Variants in CWC27 observed in about 807,000 individuals in gnomAD.
CWC27 encodes the protein spliceosome-associated protein CWC27 homolog.
CWC27 carries 47 observed loss-of-function variants against 63.6 expected under a neutral mutation model. The observed-to-expected ratio is 0.74, with a 90% confidence interval of 0.58 to 0.94. The LOEUF is 0.94. Among genes scored for constraint, CWC27 ranks in the 40% least tolerant of loss-of-function variants. The pLI is 0.00. For missense variants in CWC27, 495 were observed against 554.3 expected (o/e 0.89, Z 1.07); for synonymous variants, 175 against 179.8 (o/e 0.97, Z 0.22).
At position 64,984,289 on chromosome 5, in the gene CWC27, A is replaced by C. The variant is rs1360026136; in HGVS notation, c.1256+7051A>C. ...GAAAGAACTGAGGCACAGTGAAGTT[A>C]AATAATTTATCTGCTTTTTGGTCCT... is the stretch of plus-strand genomic sequence containing the variant. On this transcript the variant is annotated intron_variant, in intron 13 of 13. Coordinates refer to ENST00000381070, the MANE Select transcript of CWC27 (RefSeq NM_005869.4). 5.3e-5 allele frequency among the ~76,000 whole-genome samples: 8 copies of C among 152,290 alleles called. No homozygotes were observed. In the East Asian group the frequency reaches 1.5e-3, roughly 29 times the overall value.
At chr5:64,897,864 A>G (rs1747416701) in intron 11 of CWC27, among the ~76,000 whole-genome samples, 1 of 152,240 alleles carries the variant, frequency 6.6e-6, no homozygotes, top group African/African-American at 2.4e-5. Flanking sequence ...CCTAACTTGC[A>G]TAGACCTAAT....
intron 7 of CWC27, among the ~76,000 whole-genome samples, chr5:64,795,795 A>G (rs530062650): frequency 1.6e-3 from 239 of 152,194 alleles, no homozygotes; most frequent in African/African-American, 5.4e-3. Flanking sequence ...GTTCTGAGGG[A>G]TTAGGACATG....
chr5:64,960,804 T>A (rs1478757016), intron 11 of CWC27, among the ~76,000 whole-genome samples: 1 of 152,072 alleles, frequency 6.6e-6, no homozygotes, highest in Admixed American at 6.6e-5. Context: ...TTTAAGAGAT[T>A]GTCTCGCTAT....
At chr5:64,805,469 A>G (rs1744637097) in intron 10 of CWC27, among the ~76,000 whole-genome samples, 1 of 151,888 alleles carries the variant, frequency 6.6e-6, no homozygotes, top group African/African-American at 2.4e-5. Context: ...TTCACACTGT[A>G]ACTTTTAGTT....
intron 13 of CWC27, among the ~76,000 whole-genome samples, chr5:64,987,329 G>A (rs1221742052): frequency 2.6e-5 from 4 of 152,008 alleles, no homozygotes; most frequent in South Asian, 2.1e-4. Flanking sequence ...ATTTCAAGAC[G>A]AATATAGAAT....
At chr5:64,798,344 A>G (rs994839278) in intron 7 of CWC27, among the ~76,000 whole-genome samples, 2 of 152,166 alleles carry the variant, frequency 1.3e-5, no homozygotes, top group African/African-American at 4.8e-5. Flanking sequence ...TTTGAAACTC[A>G]TTTGGTCCAA....
chr5:64,870,193 C>T (rs529477288), intron 10 of CWC27, among the ~76,000 whole-genome samples: 150 of 152,048 alleles, frequency 9.9e-4, no homozygotes, highest in Non-Finnish European at 2.0e-3. Context: ...ATTCATACAG[C>T]CAGTTTATTC....
chr5:64,995,578 T>C (rs1386284876), intron 13 of CWC27, among the ~76,000 whole-genome samples: 3 of 152,202 alleles, frequency 2.0e-5, no homozygotes, highest in Non-Finnish European at 4.4e-5. Flanking sequence ...TGTTTTTTTT[T>C]CTAAATTGTT....
At chr5:64,971,235 CAT>C (rs746257038) in intron 11 of CWC27, among the ~76,000 whole-genome samples, 3 of 152,066 alleles carry the variant, frequency 2.0e-5, no homozygotes, top group Admixed American at 6.5e-5. Context: ...ATTTGTTAGA[CAT>C]ATTTATTTTC....
chr5:64,955,010 T>C (rs1221428568), intron 11 of CWC27, among the ~76,000 whole-genome samples: 2 of 152,154 alleles, frequency 1.3e-5, no homozygotes, highest in South Asian at 2.1e-4. Flanking sequence ...ATGAGTTTTA[T>C]TGGTACTTTG....
At chr5:64,961,976 G>A (rs2112434416) in intron 11 of CWC27, among the ~76,000 whole-genome samples, 1 of 152,188 alleles carries the variant, frequency 6.6e-6, no homozygotes, top group East Asian at 1.9e-4. Flanking sequence ...TCATTATAAT[G>A]CATCATTATT....
intron 10 of CWC27, 163 bp downstream of exon 10, chr5:64,804,549 A>C: frequency 3.4e-6 from 2 of 590,774 alleles, no homozygotes; most frequent in South Asian, 3.1e-5. Flanking sequence ...CTAAAATAAA[A>C]TACACCAAGC....
In CWC27 at chr5:64,869,646, A is replaced by G. The variant is rs184720859; in HGVS notation, c.939-15797A>G. On this transcript the variant is annotated intron_variant, in intron 10 of 13. Transcript: ENST00000381070. The stretch of plus-strand genomic sequence containing the variant: ...AAAGCTTATTTTCAGCTAAATGCCA[A>G]TTAGGGTTTCAGAGGCAGAGAATGT... 2.0e-5 allele frequency among the ~76,000 whole-genome samples: 3 copies of G among 152,214 alleles called. No homozygotes were observed. In the East Asian group the frequency reaches 5.8e-4, roughly 29 times the overall value.
intron 10 of CWC27, among the ~76,000 whole-genome samples, chr5:64,883,972 C>T (rs1054751790): frequency 6.6e-6 from 1 of 152,100 alleles, no homozygotes; most frequent in Non-Finnish European, 1.5e-5. Context: ...CTGGGGATCT[C>T]GTTACAAGGG....
chr5:64,978,169 G>A (rs1242779128), intron 13 of CWC27, among the ~76,000 whole-genome samples: 2 of 152,160 alleles, frequency 1.3e-5, no homozygotes, highest in African/African-American at 4.8e-5. Flanking sequence ...GGAGGAAGGA[G>A]GGCTGGAAAA....
intron 10 of CWC27, among the ~76,000 whole-genome samples, chr5:64,813,866 G>C (rs1388573898): frequency 6.6e-6 from 1 of 152,136 alleles, no homozygotes; most frequent in Non-Finnish European, 1.5e-5. Context: ...AAAGTTGGAA[G>C]TACATGAAGT....
At chr5:64,788,862 T>G (rs972736512) in intron 6 of CWC27, 89 bp from the exon 7 acceptor site, 13 of 824,680 alleles carry the variant, frequency 1.6e-5, no homozygotes, top group Non-Finnish European at 1.9e-6. Context: ...TTCTTGTAAA[T>G]TCTGTTCTCT....
At chr5:64,844,889 A>AG (rs1185264214) in intron 10 of CWC27, 4 of 456,574 alleles carry the variant, frequency 8.8e-6, no homozygotes, top group African/African-American at 4.0e-5. Context: ...TGCATTTCTA[A>AG]GGGGTACAGC....
chr5:64,772,624 C>CAAAA (rs58675990), intron 1 of CWC27, among the ~76,000 whole-genome samples: 8 of 52,176 alleles, frequency 1.5e-4, no homozygotes, highest in Admixed American at 2.5e-4. Flanking sequence ...GACTCTGTCT[C>CAAAA]AAAAAAAAAA....
Sources: allele counts gnomAD v4.1 joint callset (sites outside exome capture counted in the v4.1 genomes callset), GRCh38; gene constraint gnomAD v4.1.1; transcripts MANE v1.5; gene names NCBI Gene and HGNC (gene_info 2026-07-23, HGNC 2026-07-21).